DOCK11: variants seen among roughly 807,000 people sequenced by gnomAD.
The protein encoded by DOCK11 is dedicator of cytokinesis protein 11.
In DOCK11, 70 loss-of-function variants were observed where a neutral mutation model predicts 169.1. The observed-to-expected ratio is 0.41, with a 90% CI of 0.34 to 0.51. The LOEUF is 0.51. Ranked by LOEUF, DOCK11 falls within the 20% of genes least tolerant of loss-of-function variation. The probability of loss-of-function intolerance (pLI) is 0.10; values close to 1 mark genes in which losing one functional copy is unlikely to be tolerated. For missense variants in DOCK11, 1,166 were observed against 1,538.8 expected, an observed-to-expected ratio of 0.76 and a Z score of 4.05; for synonymous variants, 529 against 541.3, an observed-to-expected ratio of 0.98 and a Z score of 0.32.
At chrX:118,657,725 A>G (rs747447282) in intron 44 of DOCK11, among the ~76,000 whole-genome samples, 2 of 111,857 alleles carry the variant, frequency 1.8e-5, no homozygotes, top group Non-Finnish European at 3.8e-5. Context: ...TTCTAAGTGA[A>G]CTAACTCAGG....
At chrX:118,638,741 C>T (rs548031729) in intron 37 of DOCK11, among the ~76,000 whole-genome samples, 3 of 111,503 alleles carry the variant, frequency 2.7e-5, no homozygotes, top group African/African-American at 9.8e-5. Context: ...GTCTCTGGAA[C>T]GTCCTAAGGA....
chrX:118,638,882 A>C (rs1221592621), intron 37 of DOCK11, among the ~76,000 whole-genome samples: 2 of 112,173 alleles, frequency 1.8e-5, no homozygotes, highest in Non-Finnish European at 3.8e-5. Flanking sequence ...TTACTAGAGG[A>C]TAAACAAACT....
chrX:118,520,288 A>G (rs2057714231), intron 1 of DOCK11, among the ~76,000 whole-genome samples: 1 of 112,288 alleles, frequency 8.9e-6, no homozygotes, highest in Non-Finnish European at 1.9e-5. Flanking sequence ...CCTTGGGGAA[A>G]TTCTTGCTGG....
At chrX:118,560,952 A>G (rs1160722900) in intron 6 of DOCK11, among the ~76,000 whole-genome samples, 1 of 111,626 alleles carries the variant, frequency 9.0e-6, no homozygotes. Flanking sequence ...GTACATGTGT[A>G]GGTGAGATGG....
At chrX:118,682,866 G>T (rs746399675) in intron 51 of DOCK11, among the ~76,000 whole-genome samples, 1 of 112,031 alleles carries the variant, frequency 8.9e-6, no homozygotes, top group East Asian at 2.8e-4. Flanking sequence ...TCTTGAAGGA[G>T]ATAAGAAATG....
chrX:118,662,135 T>C (rs2016229981), intron 44 of DOCK11, among the ~76,000 whole-genome samples: 1 of 111,950 alleles, frequency 8.9e-6, no homozygotes, highest in Admixed American at 9.5e-5. Flanking sequence ...TCTATGTAAC[T>C]CCAAAAGTGG....
chrX:118,512,432 AG>A (rs2057655990), intron 1 of DOCK11, among the ~76,000 whole-genome samples: 1 of 112,327 alleles, frequency 8.9e-6, no homozygotes. Context: ...CAAGTCCTTT[AG>A]AAATTGTGCT....
chrX:118,523,621 G>C, intron 1 of DOCK11, among the ~76,000 whole-genome samples: 1 of 112,133 alleles, frequency 8.9e-6, no homozygotes, highest in Non-Finnish European at 1.9e-5. Context: ...CCTCACGATA[G>C]TCCTGAAATT....
intron 22 of DOCK11, among the ~76,000 whole-genome samples, chrX:118,598,468 A>G (rs1423068457): frequency 9.0e-6 from 1 of 110,937 alleles, no homozygotes; most frequent in East Asian, 2.8e-4. Flanking sequence ...TTTAATTCTC[A>G]TTAACTGATT....
chrX:118,632,533 TG>T (rs1279156396), intron 35 of DOCK11: 1 of 112,063 alleles, frequency 8.9e-6, no homozygotes, highest in African/African-American at 3.2e-5. Context: ...TCCTTCTCAA[TG>T]GATGTATTCT....
intron 30 of DOCK11, among the ~76,000 whole-genome samples, chrX:118,617,297 G>T (rs1418995242): frequency 9.2e-6 from 1 of 108,331 alleles, no homozygotes. Flanking sequence ...AGAGACCAGC[G>T]TGGCCAATAT....
Position 118,516,413 on chromosome X carries a change from C to T in DOCK11, c.102+20340C>T, listed in dbSNP as rs76024619. Reference sequence around the variant, plus strand: ...CCCGGCCTCCTCCTCTCCTCTCCTCCCCTCCCCTCCCCTCCCCTCCTTTTT... The same window carrying T: ...CCCGGCCTCCTCCTCTCCTCTCCTCTCCTCCCCTCCCCTCCCCTCCTTTTT... On this transcript the variant is annotated intron_variant, in intron 1 of 52. Coordinates refer to ENST00000276202, the MANE Select transcript of DOCK11 (RefSeq NM_144658.4). Among the ~76,000 whole-genome samples the T allele has an allele frequency of 1.3e-4, 5 of 37,998 alleles. No individual in the cohort carries two copies. The East Asian group carries it at 6.2e-3, about 47-fold the overall frequency. 33.0% of individuals were successfully genotyped at this position (37,998 alleles called of 115,157 possible). A position where few individuals can be genotyped will look rare whatever the true frequency, so the allele number is the denominator to read the frequency against.
intron 1 of DOCK11, among the ~76,000 whole-genome samples, chrX:118,532,649 T>C (rs138940788): frequency 1.9e-4 from 21 of 108,955 alleles, no homozygotes; most frequent in South Asian, 4.1e-4. Context: ...GGCGTGGTGG[T>C]GGGCGCCTGT....
Position 118,593,157 on chromosome X carries a change from C to T in DOCK11, c.2140-57C>T, listed in dbSNP as rs2014053890. On this transcript the variant is annotated intron_variant, in intron 19 of 52. Transcript: ENST00000276202. The stretch of plus-strand genomic sequence containing the variant: ...CAGTATGATGAAACTGAACTAATGT[C>T]TGACAGTTTCAGCTTGAGAAAACGA... 2.6e-6 allele frequency: 3 copies of T among 1,146,370 alleles called. No homozygotes were observed. In the East Asian group the frequency reaches 9.2e-5, roughly 35 times the overall value. The allele number at this position is 1,146,370 out of a possible 1,213,427, so 94.5% of individuals were successfully genotyped here. A position where few individuals can be genotyped will look rare whatever the true frequency, so the allele number is the denominator to read the frequency against.
chrX:118,563,735 A>G (rs1351294708), intron 7 of DOCK11, among the ~76,000 whole-genome samples: 1 of 103,908 alleles, frequency 9.6e-6, no homozygotes, highest in Admixed American at 1.1e-4. Context: ...TTTGAGACAG[A>G]GTCTCACTAT....
intron 44 of DOCK11, among the ~76,000 whole-genome samples, chrX:118,660,146 G>A (rs7061521): frequency 0.26 from 28,255 of 110,750 alleles, 3,124 homozygotes; most frequent in African/African-American, 0.43. Context: ...ATGCGCTACT[G>A]CACAAAGAGT....
chrX:118,628,163 C>T lies in DOCK11; in HGVS notation c.3665C>T (p.Ala1222Val), dbSNP rs371973655. 1.8e-5 allele frequency: 21 copies of T among 1,177,736 alleles called. No individual in the cohort carries two copies. The African/African-American group carries it at 3.2e-4, about 18-fold the overall frequency. The part of the protein sequence containing the change: ...RGSLSTDKDT[A>V]YGSFQNGHGI... ...GGGCTTGACTTTTTTTTTTCCCCAGCTTATGGGTCTTTTCAAAATGGACAT... is the reference window on the plus strand; with the variant it reads ...GGGCTTGACTTTTTTTTTTCCCCAGTTTATGGGTCTTTTCAAAATGGACAT... The change falls in exon 34 of 53, where the codon GCT becomes GTT. Residue 1222 changes from alanine to valine, a missense_variant and splice_region_variant. Physicochemically the swap from Ala to Val is moderately conservative, Grantham distance 64. Transcript: ENST00000276202.
chrX:118,572,562 TACCTATATA>T (rs1172492490), intron 11 of DOCK11, 99 bp downstream of exon 11: 119 of 848,058 alleles, frequency 1.4e-4, no homozygotes, highest in Non-Finnish European at 1.9e-4. Flanking sequence ...ACATGCAATT[TACCTATATA>T]ACAAACCTGC....
At chrX:118,504,667 TCTCTTTGAGATTTACCC>T (rs2057598610) in intron 1 of DOCK11, among the ~76,000 whole-genome samples, 2 of 112,413 alleles carry the variant, frequency 1.8e-5, no homozygotes, top group South Asian at 7.4e-4. Context: ...AGAATACGTT[TCTCTTTGAGATTTACCC>T]CTCTTGGTTT....
Sources: allele counts gnomAD v4.1 joint callset (sites outside exome capture counted in the v4.1 genomes callset), GRCh38; gene constraint gnomAD v4.1.1; transcripts MANE v1.5; gene names NCBI Gene and HGNC (gene_info 2026-07-23, HGNC 2026-07-21).